SETDB2: variants seen among roughly 807,000 people sequenced by gnomAD.
SETDB2 encodes the protein SET domain bifurcated histone lysine methyltransferase 2, also known as histone-lysine N-methyltransferase SETDB2.
SETDB2 carries 56 observed loss-of-function variants against 82.5 expected under a neutral mutation model. The observed-to-expected ratio is 0.68, with a 90% CI of 0.55 to 0.85. The LOEUF is 0.85. Among genes scored for constraint, SETDB2 ranks in the 40% least tolerant of loss-of-function variants. The pLI, the probability that SETDB2 is intolerant of heterozygous loss-of-function variation, is 0.00. For synonymous variants in SETDB2, 272 were observed against 284.9 expected, an observed-to-expected ratio of 0.95 and a Z score of 0.46; for missense variants, 677 against 816.4, an observed-to-expected ratio of 0.83 and a Z score of 2.08.
chr13:49,463,247 G>A (rs528049507), intron 4 of SETDB2, among the ~76,000 whole-genome samples: 1 of 152,224 alleles, frequency 6.6e-6, no homozygotes, highest in Non-Finnish European at 1.5e-5. Context: ...CTGAGCTCAG[G>A]CAAACTGCCT....
chr13:49,483,078 AGTT>A, intron 9 of SETDB2, 116 bp downstream of exon 9: 2 of 702,100 alleles, frequency 2.8e-6, no homozygotes, highest in Non-Finnish European at 4.7e-6. Context: ...TTTGCTTCAA[AGTT>A]GTTAAGTCTA....
In SETDB2 at chr13:49,485,903, T is replaced by G. The variant is rs530670644; in HGVS notation, c.1576+180T>G. On this transcript the variant is annotated intron_variant, in intron 11 of 13. Coordinates refer to ENST00000611815, the MANE Select transcript of SETDB2 (RefSeq NM_001160308.3). ...CGTGTGTGGGCCAAATCTGGCCCTC[T>G]ACCTGTTCAGTATGGCATGTGAGCT... 668 of 737,726 alleles carry G rather than the reference T, an allele frequency of 9.1e-4. 10 individuals carry two copies. Among genetic ancestry groups the G allele is most frequent in the South Asian group, 8.9e-3 (621 of 70,026 alleles). The allele number at this position is 737,726 out of a possible 1,614,324, so 45.7% of individuals were successfully genotyped here.
chr13:49,461,771 AT>A, intron 4 of SETDB2, among the ~76,000 whole-genome samples: 1 of 152,310 alleles, frequency 6.6e-6, no homozygotes, highest in South Asian at 2.1e-4. Context: ...GATCCCACAG[AT>A]TAAGGGCTCA....
chr13:49,452,032 T>C (rs1957794797), intron 2 of SETDB2, 123 bp downstream of exon 2: 1 of 614,438 alleles, frequency 1.6e-6, no homozygotes, highest in African/African-American at 1.9e-5. Flanking sequence ...TTAGAGGGAA[T>C]TAAGGGTTTA....
Position 49,476,955 on chromosome 13 carries a change from CTG to C in SETDB2, c.790_791del (p.Trp264AlafsTer5). ...CTCCCACAGTTTAAGTACAGAAAGACTGTGTGGCCTCGAGCATATAATCTAAC... is the reference window on the plus strand; with the variant it reads ...CTCCCACAGTTTAAGTACAGAAAGACTGTGGCCTCGAGCATATAATCTAAC... On this transcript the variant is annotated frameshift_variant, in exon 6 of 14. Coordinates refer to ENST00000611815, the MANE Select transcript of SETDB2 (RefSeq NM_001160308.3). LOFTEE classifies it high-confidence loss of function. 1 of 1,614,050 alleles carries C rather than the reference CTG, an allele frequency of 6.2e-7. No individual in the cohort carries two copies. The highest frequency in any genetic ancestry group is 8.5e-7 in the Non-Finnish European group (1 of 1,180,018).
chr13:49,483,483 A>G lies in SETDB2; in HGVS notation c.1402A>G (p.Ile468Val). 7.1e-7 allele frequency: 1 copy of G among 1,403,254 alleles called. No individual in the cohort carries two copies. The highest frequency in any genetic ancestry group is 9.7e-7 in the Non-Finnish European group (1 of 1,035,668). 86.9% of individuals were successfully genotyped at this position (1,403,254 alleles called of 1,614,324 possible). ...TTTTAGGGAAACGAAATATGATAATATTTCAAGAATTCAATATCATTCAGT... is the reference window on the plus strand; with the variant it reads ...TTTTAGGGAAACGAAATATGATAATGTTTCAAGAATTCAATATCATTCAGT... ...ELTVETKYDNISRIQYHSVIR... is the reference protein window; with the variant it reads ...ELTVETKYDNVSRIQYHSVIR... Residue 468 changes from isoleucine (I) to valine (V), a missense_variant, in exon 10 of 14, where the codon ATT (isoleucine) becomes GTT (valine). Physicochemically the swap from Ile to Val is conservative, Grantham distance 29. Coordinates refer to ENST00000611815, the MANE Select transcript of SETDB2 (RefSeq NM_001160308.3).
intron 4 of SETDB2, among the ~76,000 whole-genome samples, chr13:49,467,138 C>T (rs184371271): frequency 4.9e-4 from 75 of 152,096 alleles, no homozygotes; most frequent in African/African-American, 1.7e-3. Flanking sequence ...TGGCTCATAC[C>T]TGTAATCCCA....
At chr13:49,489,014 A>G (rs1232182511) in intron 12 of SETDB2, 4 of 163,462 alleles carry the variant, frequency 2.4e-5, no homozygotes, top group Non-Finnish European at 5.4e-5. Context: ...CTAGGAAGTT[A>G]TCAGTGAAGT....
rs1958768067 is a variant in SETDB2 at position 49,494,450 on chromosome 13, T to TA, written c.*2602dup. Reference sequence around the variant, plus strand: ...CTTTCCTCAGAGTTAATGGTCTTGGTAGTCTACTCATATTTAAGTGTGGAA... The same window carrying TA: ...CTTTCCTCAGAGTTAATGGTCTTGGTAAGTCTACTCATATTTAAGTGTGGAA... On this transcript the variant is annotated 3_prime_UTR_variant, in exon 14 of 14. Transcript: ENST00000611815. 6.6e-6 allele frequency: 1 copy of TA among 152,204 alleles called. No homozygotes were observed. The highest frequency in any genetic ancestry group is 6.5e-5 in the Admixed American group (1 of 15,284). 9.4% of individuals were successfully genotyped at this position (152,204 alleles called of 1,614,324 possible). A position where few individuals can be genotyped will look rare whatever the true frequency, so the allele number is the denominator to read the frequency against.
intron 2 of SETDB2, 34 bp downstream of exon 2, chr13:49,451,943 CTAAAAGTA>C: frequency 1.3e-6 from 2 of 1,505,828 alleles, no homozygotes; most frequent in Non-Finnish European, 1.8e-6. Flanking sequence ...CACTTTATAT[CTAAAAGTA>C]TAAAAGTATA....
At chr13:49,483,782 C>T (rs939895208) in intron 10 of SETDB2, among the ~76,000 whole-genome samples, 5 of 151,890 alleles carry the variant, frequency 3.3e-5, no homozygotes, top group Non-Finnish European at 7.4e-5. Context: ...TGCACACCAC[C>T]ATGCCCAGCT....
chr13:49,490,001 G>A (rs867681756), intron 12 of SETDB2, among the ~76,000 whole-genome samples: 4 of 141,526 alleles, frequency 2.8e-5, no homozygotes, highest in South Asian at 2.2e-4. Flanking sequence ...TGGGCCAGGC[G>A]TGATGTGACT....
At chr13:49,458,107 A>G (rs1022406031) in intron 2 of SETDB2, among the ~76,000 whole-genome samples, 1 of 152,194 alleles carries the variant, frequency 6.6e-6, no homozygotes, top group Admixed American at 6.5e-5. Context: ...TTTCCTCATT[A>G]AGCTGATTGT....
Position 49,471,932 on chromosome 13 carries a change from A to ATT in SETDB2, c.305+3973_305+3974insTT, listed in dbSNP as rs1293042049. The stretch of plus-strand genomic sequence containing the variant: ...ATGTGACATATATATATATATATAT[A>ATT]TATTTTTTTTTTTTTTTAAATAGAG... On this transcript the variant is annotated intron_variant, in intron 5 of 13. Transcript: ENST00000611815. Among the ~76,000 whole-genome samples, 233 of 75,332 alleles carry ATT rather than the reference A, an allele frequency of 3.1e-3. 1 individual carries two copies. Among genetic ancestry groups the ATT allele is most frequent in the South Asian group, 8.0e-3 (20 of 2,488 alleles). 49.4% of individuals were successfully genotyped at this position (75,332 alleles called of 152,430 possible). A position where few individuals can be genotyped will look rare whatever the true frequency, so the allele number is the denominator to read the frequency against.
chr13:49,481,743 C>T (rs1958481522), intron 8 of SETDB2, among the ~76,000 whole-genome samples: 1 of 152,186 alleles, frequency 6.6e-6, no homozygotes, highest in African/African-American at 2.4e-5. Context: ...TCCAGCATGT[C>T]AGGCAAAATC....
chr13:49,483,359 A>G, intron 9 of SETDB2, 105 bp from the exon 10 acceptor site: 2 of 453,426 alleles, frequency 4.4e-6, no homozygotes, highest in East Asian at 3.8e-5. Context: ...AGGTTAATTT[A>G]TAATAATTAA....
At position 49,488,589 on chromosome 13, in the gene SETDB2, T is replaced by C; in HGVS notation, c.1876T>C (p.Leu626=). 3 of 1,606,928 alleles carry C rather than the reference T, an allele frequency of 1.9e-6. No individual in the cohort carries two copies. The highest frequency in any genetic ancestry group is 2.2e-5 in the South Asian group (2 of 89,494). ...GTTCAATAAAGGGAATGTGTTTTTA[T>C]TGGATGCCACAAAAGAAGGAAATGT... ...TKFNKGNVFL[L]DATKEGNVGR... Residue 626 remains leucine, a synonymous_variant, in exon 12 of 14, where the codon TTG becomes CTG. Coordinates refer to ENST00000611815, the MANE Select transcript of SETDB2 (RefSeq NM_001160308.3).
chr13:49,451,938 T>A, intron 2 of SETDB2, 29 bp downstream of exon 2: 1 of 1,541,874 alleles, frequency 6.5e-7, no homozygotes, highest in Non-Finnish European at 8.9e-7. Context: ...TGTTACACTT[T>A]ATATCTAAAA....
In SETDB2 at chr13:49,451,873, A is replaced by G. The variant is rs374413471; in HGVS notation, c.-21A>G. The stretch of plus-strand genomic sequence containing the variant: ...TAAACCTAATTTTGAAGCATTTTAT[A>G]TTTATAAGCGACATCAAAAGATGGG... On this transcript the variant is annotated 5_prime_UTR_variant, in exon 2 of 14. The change creates a new upstream start codon in the 5' untranslated region. Coordinates refer to ENST00000611815, the MANE Select transcript of SETDB2 (RefSeq NM_001160308.3). 35 of 1,587,688 alleles carry G rather than the reference A, an allele frequency of 2.2e-5. No individual in the cohort carries two copies. The highest frequency in any genetic ancestry group is 3.0e-5 in the Non-Finnish European group (35 of 1,161,642).
Sources: allele counts gnomAD v4.1 joint callset (sites outside exome capture counted in the v4.1 genomes callset), GRCh38; gene constraint gnomAD v4.1.1; transcripts MANE v1.5; gene names NCBI Gene and HGNC (gene_info 2026-07-23, HGNC 2026-07-21).